Variants in GAS7 observed in about 807,000 individuals in gnomAD.
GAS7 encodes growth arrest-specific protein 7.
A neutral mutation model predicts 71.1 loss-of-function variants in GAS7; 28 were observed. That is an observed-to-expected ratio of 0.39 (90% CI 0.29 to 0.54). The LOEUF (loss-of-function observed/expected upper bound fraction) is 0.54. GAS7 is among the 20% of genes least tolerant of loss of function. The probability of loss-of-function intolerance (pLI) is 0.62; values close to 1 mark genes in which losing one functional copy is unlikely to be tolerated. For missense variants in GAS7, 436 were observed against 627.8 expected (o/e 0.69, Z 3.27); for synonymous variants, 258 against 245.8 (o/e 1.05, Z -0.46).
chr17:9,998,057 C>A (rs780206315), intron 2 of GAS7, among the ~76,000 whole-genome samples: 1 of 152,220 alleles, frequency 6.6e-6, no homozygotes, highest in Admixed American at 6.5e-5. Context: ...GATAATCAGC[C>A]TCTTTCCTCT....
At chr17:10,095,083 T>C (rs376673446) in intron 1 of GAS7, among the ~76,000 whole-genome samples, 6 of 152,130 alleles carry the variant, frequency 3.9e-5, no homozygotes, top group African/African-American at 1.2e-4. Flanking sequence ...GCTGCACAAC[T>C]TCCTGTGCCT....
At chr17:10,085,020 A>G (rs1373905788) in intron 1 of GAS7, among the ~76,000 whole-genome samples, 2 of 152,158 alleles carry the variant, frequency 1.3e-5, no homozygotes, top group Non-Finnish European at 2.9e-5. Context: ...CCTGACCCAC[A>G]GGCCTGACCA....
chr17:10,070,775 A>C (rs2073332444), intron 1 of GAS7, among the ~76,000 whole-genome samples: 1 of 151,866 alleles, frequency 6.6e-6, no homozygotes, highest in Admixed American at 6.6e-5. Context: ...GCCCTATTCT[A>C]AATCTAGAGT....
chr17:10,028,356 G>A (rs918905450), intron 1 of GAS7, among the ~76,000 whole-genome samples: 1 of 152,164 alleles, frequency 6.6e-6, no homozygotes, highest in Non-Finnish European at 1.5e-5. Flanking sequence ...CCGACAGAGT[G>A]AGATACTGTC....
chr17:10,161,889 C>T (rs993183670), intron 1 of GAS7, among the ~76,000 whole-genome samples: 5 of 151,930 alleles, frequency 3.3e-5, no homozygotes, highest in African/African-American at 9.7e-5. Context: ...GCGGTGAAAC[C>T]CCGTCTCTAC....
At position 10,027,261 on chromosome 17, in the gene GAS7, T is replaced by A. The variant is rs185523679; in HGVS notation, c.184-7364A>T. Among the ~76,000 whole-genome samples the A allele has an allele frequency of 2.6e-5, 4 of 151,802 alleles. No individual in the cohort carries two copies. The East Asian group carries it at 7.7e-4, about 29-fold the overall frequency. ...ATGAATGAATGAATGAATGAATGAGTGAATGAAAACTGAGAATTATAGTAG... is the reference window on the plus strand; with the variant it reads ...ATGAATGAATGAATGAATGAATGAGAGAATGAAAACTGAGAATTATAGTAG... On this transcript the variant is annotated intron_variant, in intron 1 of 13. Transcript: ENST00000432992.
At chr17:10,106,283 C>T (rs1349295286) in intron 1 of GAS7, among the ~76,000 whole-genome samples, 5 of 152,132 alleles carry the variant, frequency 3.3e-5, no homozygotes, top group South Asian at 2.1e-4. Flanking sequence ...AGGTGTGGCT[C>T]GGGTGGCGGC....
At chr17:10,071,129 G>C (rs997743216) in intron 1 of GAS7, among the ~76,000 whole-genome samples, 8 of 151,610 alleles carry the variant, frequency 5.3e-5, no homozygotes, top group African/African-American at 1.9e-4. Flanking sequence ...CCAGTTGGTG[G>C]GGTGTTCCCA....
chr17:9,920,329 G>A (rs1405516025), intron 11 of GAS7, among the ~76,000 whole-genome samples: 1 of 152,098 alleles, frequency 6.6e-6, no homozygotes, highest in African/African-American at 2.4e-5. Flanking sequence ...AACAGAGAAA[G>A]GGTGAGTGGG....
chr17:10,002,515 C>A (rs1489872182), intron 2 of GAS7, among the ~76,000 whole-genome samples: 1 of 152,048 alleles, frequency 6.6e-6, no homozygotes, highest in African/African-American at 2.4e-5. Flanking sequence ...CACCCATTAA[C>A]TCATCGTTTA....
chr17:10,157,330 CG>C (rs944692634), intron 1 of GAS7, among the ~76,000 whole-genome samples: 3 of 152,120 alleles, frequency 2.0e-5, no homozygotes, highest in Admixed American at 2.0e-4. Flanking sequence ...CAACTGCCCC[CG>C]GGAACACCCT....
Position 10,155,203 on chromosome 17 carries a change from A to G in GAS7, c.183+43005T>C, listed in dbSNP as rs545938707. ...CTAATTTTTTGTATTTTAAGTAGAG[A>G]TGGGGTTTCACCATGTTGGCCAGGC... On this transcript the variant is annotated intron_variant, in intron 1 of 13. Coordinates refer to ENST00000432992, the MANE Select transcript of GAS7 (RefSeq NM_201433.2). Among the ~76,000 whole-genome samples the G allele has an allele frequency of 1.1e-4, 16 of 152,060 alleles. 1 individual carries two copies. In the South Asian group the frequency reaches 3.3e-3, roughly 32 times the overall value.
intron 2 of GAS7, among the ~76,000 whole-genome samples, chr17:10,003,710 C>T (rs374894213): frequency 3.9e-5 from 6 of 152,308 alleles, no homozygotes; most frequent in East Asian, 3.9e-4. Context: ...CACAGCACGG[C>T]GCATCATCTG....
At chr17:10,107,634 G>T (rs2073771017) in intron 1 of GAS7, among the ~76,000 whole-genome samples, 2 of 147,582 alleles carry the variant, frequency 1.4e-5, no homozygotes. Context: ...GGGGGGCTGG[G>T]CAGGAGAACC....
intron 1 of GAS7, among the ~76,000 whole-genome samples, chr17:10,125,525 T>TA (rs71365720): frequency 0.037 from 2,125 of 58,168 alleles, 74 homozygotes; most frequent in African/African-American, 0.14. Flanking sequence ...AACTCCATCT[T>TA]AAAAAAAAAA....
chr17:10,025,176 G>A (rs570708992), intron 1 of GAS7, among the ~76,000 whole-genome samples: 1 of 152,326 alleles, frequency 6.6e-6, no homozygotes, highest in Admixed American at 6.5e-5. Context: ...GCCGAGGCAG[G>A]AGGATTGCTT....
chr17:10,003,253 G>A (rs971541440), intron 2 of GAS7, among the ~76,000 whole-genome samples: 1 of 152,192 alleles, frequency 6.6e-6, no homozygotes, highest in Non-Finnish European at 1.5e-5. Flanking sequence ...GAGACCGCAG[G>A]TGTCTGGCAT....
intron 1 of GAS7, among the ~76,000 whole-genome samples, chr17:10,122,761 TC>T (rs2073914939): frequency 6.6e-6 from 1 of 152,170 alleles, no homozygotes; most frequent in African/African-American, 2.4e-5. Flanking sequence ...AAGCTGAAGA[TC>T]TTTTTTTTAA....
chr17:10,099,388 C>T (rs1367281053), intron 1 of GAS7, among the ~76,000 whole-genome samples: 1 of 152,190 alleles, frequency 6.6e-6, no homozygotes. Flanking sequence ...ACAACCAGAG[C>T]AGGCAGGGAC....
Sources: allele counts gnomAD v4.1 joint callset (sites outside exome capture counted in the v4.1 genomes callset), GRCh38; gene constraint gnomAD v4.1.1; transcripts MANE v1.5; gene names NCBI Gene and HGNC (gene_info 2026-07-23, HGNC 2026-07-21).